The following GAB4 variants were observed in gnomAD, a reference collection of about 807,000 sequenced individuals.
GAB4 encodes the protein GRB2-associated-binding protein 4.
GAB4 carries 26 observed loss-of-function variants against 51.3 expected under a neutral mutation model. That is an observed-to-expected ratio of 0.51 (90% CI 0.37 to 0.70). The LOEUF (loss-of-function observed/expected upper bound fraction) is 0.70. Among genes scored for constraint, GAB4 ranks in the 30% least tolerant of loss-of-function variants. The pLI is 0.00. For missense variants in GAB4, 759 were observed against 734.6 expected, an observed-to-expected ratio of 1.03 and a Z score of -0.38; for synonymous variants, 329 against 291.2, an observed-to-expected ratio of 1.13 and a Z score of -1.32.
chr22:16,971,732 C>T (rs2060733711), intron 3 of GAB4, among the ~76,000 whole-genome samples: 1 of 152,168 alleles, frequency 6.6e-6, no homozygotes, highest in African/African-American at 2.4e-5. Context: ...ATGGAACTGC[C>T]TCACTGGTAT....
intron 1 of GAB4, among the ~76,000 whole-genome samples, chr22:16,996,257 GA>G (rs532463715): frequency 0.012 from 1,850 of 150,656 alleles, 14 homozygotes; most frequent in Non-Finnish European, 0.02. Flanking sequence ...CAAGATTAGA[GA>G]AAAAAAAACT....
chr22:16,977,738 C>G (rs2060791239), intron 3 of GAB4, among the ~76,000 whole-genome samples: 2 of 152,212 alleles, frequency 1.3e-5, no homozygotes, highest in South Asian at 4.1e-4. Flanking sequence ...CTGAGCACCA[C>G]ATAGCACTCA....
At chr22:16,966,516 A>G in intron 5 of GAB4, 152 bp from the exon 6 acceptor site, 1 of 765,090 alleles carries the variant, frequency 1.3e-6, no homozygotes, top group Non-Finnish European at 2.0e-6. Flanking sequence ...TTCAGCAGCC[A>G]CCTGCGGCCC....
chr22:16,972,898 C>G (rs2060744239), intron 3 of GAB4, among the ~76,000 whole-genome samples: 1 of 152,168 alleles, frequency 6.6e-6, no homozygotes, highest in South Asian at 2.1e-4. Flanking sequence ...AAACCCCCAG[C>G]TTTATTCCAT....
At chr22:16,976,926 C>T (rs1402929712) in intron 3 of GAB4, among the ~76,000 whole-genome samples, 4 of 152,140 alleles carry the variant, frequency 2.6e-5, no homozygotes, top group Non-Finnish European at 5.9e-5. Flanking sequence ...AACAAAGCTT[C>T]GTAAGTGAAG....
intron 5 of GAB4, 122 bp from the exon 6 acceptor site, chr22:16,966,486 C>G: frequency 1.0e-6 from 1 of 995,990 alleles, no homozygotes; most frequent in African/African-American, 1.6e-5. Flanking sequence ...TTTTGATCAC[C>G]TTGGCTGGGG....
intron 3 of GAB4, among the ~76,000 whole-genome samples, chr22:16,972,012 G>A (rs547819254): frequency 6.6e-6 from 1 of 152,358 alleles, no homozygotes; most frequent in East Asian, 1.9e-4. Context: ...GAGAGCAGGG[G>A]AAGATGCAGG....
intron 3 of GAB4, among the ~76,000 whole-genome samples, chr22:16,982,911 C>T (rs1449045479): frequency 6.6e-6 from 1 of 152,126 alleles, no homozygotes; most frequent in African/African-American, 2.4e-5. Flanking sequence ...TGCCCTGCCG[C>T]ACCATAATCT....
intron 1 of GAB4, among the ~76,000 whole-genome samples, chr22:16,994,020 T>C (rs533949645): frequency 6.6e-6 from 1 of 151,992 alleles, no homozygotes; most frequent in East Asian, 1.9e-4. Context: ...CCACCTCTAC[T>C]AGGATCATTC....
intron 2 of GAB4, 88 bp downstream of exon 2, chr22:16,991,785 T>C: frequency 8.9e-7 from 1 of 1,127,232 alleles, no homozygotes; most frequent in South Asian, 1.5e-5. Context: ...TTCTTGGCAG[T>C]GTTGGCAGCT....
intron 1 of GAB4, among the ~76,000 whole-genome samples, chr22:17,006,412 T>G (rs1398698471): frequency 6.6e-6 from 1 of 152,044 alleles, no homozygotes; most frequent in Non-Finnish European, 1.5e-5. Flanking sequence ...TTGGTTGGAG[T>G]GTAAATTAGT....
At chr22:16,996,695 G>A (rs2060951817) in intron 1 of GAB4, among the ~76,000 whole-genome samples, 1 of 151,988 alleles carries the variant, frequency 6.6e-6, no homozygotes, top group Non-Finnish European at 1.5e-5. Context: ...AAGTTCTATG[G>A]TACATGCGCA....
At chr22:16,967,415 ACTCGG>A (rs1331717042) in intron 5 of GAB4, 3 of 152,536 alleles carry the variant, frequency 2.0e-5, no homozygotes, top group Non-Finnish European at 4.4e-5. Flanking sequence ...TCAAGTCCTG[ACTCGG>A]CACTGGCAGG....
At position 17,006,408 on chromosome 22, in the gene GAB4, GGA is replaced by G. The variant is rs1384552438; in HGVS notation, c.174+1531_174+1532del. ...TAGGAATGTTTTTACACTGTTGGTT[GGA>G]GTGTAAATTAGTTCAACTATTGTCA... On this transcript the variant is annotated intron_variant, in intron 1 of 9. Coordinates refer to ENST00000400588, the MANE Select transcript of GAB4 (RefSeq NM_001037814.1). Among the ~76,000 whole-genome samples, 4 of 152,322 alleles carry G rather than the reference GGA, an allele frequency of 2.6e-5. No homozygotes were observed. In the East Asian group the frequency reaches 7.7e-4, roughly 29 times the overall value.
chr22:16,972,152 G>C (rs2060737172), intron 3 of GAB4, among the ~76,000 whole-genome samples: 1 of 152,226 alleles, frequency 6.6e-6, no homozygotes, highest in Non-Finnish European at 1.5e-5. Flanking sequence ...TCTGGGCCAG[G>C]CACAGTGGAC....
intron 6 of GAB4, among the ~76,000 whole-genome samples, chr22:16,965,740 A>G (rs1359525977): frequency 6.6e-6 from 1 of 152,084 alleles, no homozygotes; most frequent in Non-Finnish European, 1.5e-5. Flanking sequence ...CACAGGACTG[A>G]TCCCCACCCA....
At chr22:17,007,803 C>T in intron 1 of GAB4, 138 bp downstream of exon 1, 1 of 750,078 alleles carries the variant, frequency 1.3e-6, no homozygotes, top group Non-Finnish European at 2.1e-6. Flanking sequence ...GGCGGGGAGT[C>T]GCCTTCGCAT....
chr22:16,966,923 G>A (rs1177561115), intron 5 of GAB4: 8 of 154,852 alleles, frequency 5.2e-5, no homozygotes, highest in Admixed American at 4.4e-4. Flanking sequence ...GTCTGAGAAA[G>A]TTAAAACTCC....
intron 3 of GAB4, among the ~76,000 whole-genome samples, chr22:16,979,716 A>G (rs1208581117): frequency 6.6e-6 from 1 of 152,210 alleles, no homozygotes; most frequent in Non-Finnish European, 1.5e-5. Flanking sequence ...AGACAGTCCT[A>G]AGCAAAAAGA....
Sources: allele counts gnomAD v4.1 joint callset (sites outside exome capture counted in the v4.1 genomes callset), GRCh38; gene constraint gnomAD v4.1.1; transcripts MANE v1.5; gene names NCBI Gene and HGNC (gene_info 2026-07-23, HGNC 2026-07-21).